The following SHISA9 variants were observed in gnomAD, a reference collection of about 807,000 sequenced individuals.
The protein encoded by SHISA9 is protein shisa-9.
Under a neutral mutation model 38.0 loss-of-function variants are expected in SHISA9, and 13 were observed. The observed-to-expected ratio is 0.34, with a 90% CI of 0.22 to 0.54. The LOEUF (loss-of-function observed/expected upper bound fraction) is 0.54, where lower values mean the gene tolerates loss of function less well. Ranked by LOEUF, SHISA9 falls within the 20% of genes least tolerant of loss-of-function variation. The probability of loss-of-function intolerance (pLI) is 0.91; values close to 1 mark genes in which losing one functional copy is unlikely to be tolerated. For missense variants in SHISA9, 538 were observed against 575.8 expected (o/e 0.93, Z 0.67); for synonymous variants, 275 against 242.0 (o/e 1.14, Z -1.27).
At chr16:13,074,053 T>G (rs987609189) in intron 2 of SHISA9, among the ~76,000 whole-genome samples, 1 of 144,582 alleles carries the variant, frequency 6.9e-6, no homozygotes, top group Admixed American at 6.9e-5. Context: ...CACTGCAACC[T>G]CTACCTCCCA....
the SHISA9 span, among the ~76,000 whole-genome samples, chr16:13,408,741 C>T: frequency 2.9e-3 from 444 of 152,314 alleles, 21 homozygotes; most frequent in East Asian, 0.072. Context: ...CTCCTCTGTA[C>T]GTACATTTCT....
chr16:13,175,423 A>G (rs1040984435), intron 2 of SHISA9, among the ~76,000 whole-genome samples: 1 of 152,100 alleles, frequency 6.6e-6, no homozygotes, highest in African/African-American at 2.4e-5. Flanking sequence ...TTTTTTCCCT[A>G]TGTTCCAGAG....
At chr16:13,332,244 C>T in the SHISA9 span, among the ~76,000 whole-genome samples, 1 of 152,146 alleles carries the variant, frequency 6.6e-6, no homozygotes, top group African/African-American at 2.4e-5. Context: ...CAGAAGTTCT[C>T]AAGATGTGAG....
the SHISA9 span, among the ~76,000 whole-genome samples, chr16:13,459,805 C>T: frequency 6.6e-6 from 1 of 152,178 alleles, no homozygotes; most frequent in South Asian, 2.1e-4. Context: ...ATGCCGTTAT[C>T]TGGCCATTAG....
chr16:12,908,347 A>G, intron 1 of SHISA9: 2 of 1,416,674 alleles, frequency 1.4e-6, no homozygotes, highest in Non-Finnish European at 1.9e-6. Context: ...GAGGGTCTAT[A>G]TGTGACTACG....
At chr16:13,292,467 T>C in the SHISA9 span, among the ~76,000 whole-genome samples, 1,647 of 152,286 alleles carry the variant, frequency 0.011, 22 homozygotes, top group African/African-American at 0.036. Context: ...TGTGTGCTCA[T>C]TCCAAATCTA....
At chr16:13,309,436 A>C in the SHISA9 span, among the ~76,000 whole-genome samples, 1 of 152,072 alleles carries the variant, frequency 6.6e-6, no homozygotes, top group Non-Finnish European at 1.5e-5. Flanking sequence ...CGAGGTCAGA[A>C]GTTTGAGACC....
At chr16:13,154,315 T>C (rs1018885987) in intron 2 of SHISA9, among the ~76,000 whole-genome samples, 1 of 152,234 alleles carries the variant, frequency 6.6e-6, no homozygotes, top group Non-Finnish European at 1.5e-5. Flanking sequence ...CCCTGCTCTT[T>C]GGCCATCTCA....
chr16:12,953,001 A>G (rs952395248), intron 2 of SHISA9, among the ~76,000 whole-genome samples: 4 of 152,164 alleles, frequency 2.6e-5, no homozygotes, highest in African/African-American at 9.7e-5. Context: ...GGGGAAGACT[A>G]ATAACTAATA....
chr16:13,498,383 A>G, the SHISA9 span, among the ~76,000 whole-genome samples: 1 of 152,188 alleles, frequency 6.6e-6, no homozygotes, highest in Non-Finnish European at 1.5e-5. Flanking sequence ...TTTGCAGTAA[A>G]CAAGTTGGAA....
intron 2 of SHISA9, among the ~76,000 whole-genome samples, chr16:13,151,502 A>T (rs2050499264): frequency 6.6e-6 from 1 of 152,244 alleles, no homozygotes; most frequent in Admixed American, 6.5e-5. Context: ...AAGACCCTAC[A>T]GCTGTAGGCT....
At chr16:13,493,135 G>C in the SHISA9 span, among the ~76,000 whole-genome samples, 2 of 152,174 alleles carry the variant, frequency 1.3e-5, no homozygotes, top group African/African-American at 2.4e-5. Context: ...GCACATAACA[G>C]GTGCTCAGAA....
chr16:13,380,106 A>T, the SHISA9 span, among the ~76,000 whole-genome samples: 10 of 152,164 alleles, frequency 6.6e-5, no homozygotes, highest in Admixed American at 1.3e-4. Context: ...AGATACATAC[A>T]TATGTTTAAT....
At chr16:13,216,987 C>G (rs2051175232) in intron 4 of SHISA9, among the ~76,000 whole-genome samples, 1 of 152,000 alleles carries the variant, frequency 6.6e-6, no homozygotes, top group African/African-American at 2.4e-5. Context: ...AAAGTCCACC[C>G]TGGGCTGGGC....
the SHISA9 span, among the ~76,000 whole-genome samples, chr16:13,469,209 T>C: frequency 6.9e-6 from 1 of 145,574 alleles, no homozygotes; most frequent in African/African-American, 2.6e-5. Context: ...GCCACTGCAC[T>C]CCAACCTGGG....
rs143818944 is a variant in SHISA9 at position 13,037,230 on chromosome 16, C to A, written c.691+120415C>A. Among the ~76,000 whole-genome samples the A allele has an allele frequency of 3.9e-4, 59 of 151,800 alleles. No individual in the cohort carries two copies. In the East Asian group the frequency reaches 0.01, roughly 26 times the overall value. ...GTGTAATGGTGTTTTGCTCCCAGGG[C>A]GTTTGAAGGCAGAATTGGTCGGCAG... On this transcript the variant is annotated intron_variant, in intron 2 of 4. Transcript: ENST00000558583.
At chr16:13,299,022 C>T in the SHISA9 span, among the ~76,000 whole-genome samples, 1 of 152,170 alleles carries the variant, frequency 6.6e-6, no homozygotes, top group Non-Finnish European at 1.5e-5. Context: ...CTCAGAGCTG[C>T]AAGGATAAGG....
intron 2 of SHISA9, among the ~76,000 whole-genome samples, chr16:13,188,521 C>A (rs2142038521): frequency 6.6e-6 from 1 of 151,932 alleles, no homozygotes; most frequent in Admixed American, 6.6e-5. Context: ...AGTTCGAGAC[C>A]AGCCTTGGAA....
At chr16:13,364,281 G>A in the SHISA9 span, among the ~76,000 whole-genome samples, 65 of 152,324 alleles carry the variant, frequency 4.3e-4, no homozygotes, top group African/African-American at 1.5e-3. Flanking sequence ...AAGGAGGAGA[G>A]CTAGTCTCTG....
Sources: gnomAD v4.1 joint callset for allele counts (sites outside exome capture counted in the v4.1 genomes callset) on GRCh38, gnomAD v4.1.1 for gene constraint, MANE v1.5 for transcripts, NCBI Gene and HGNC (gene_info 2026-07-23, HGNC 2026-07-21) for gene names.